FPR1: variants seen among roughly 807,000 people sequenced by gnomAD.
FPR1 encodes N-formyl peptide receptor 1.
For missense variants in FPR1, 407 were observed against 453.0 expected (o/e 0.90, Z 0.92); for synonymous variants, 193 against 176.7 (o/e 1.09, Z -0.73).
rs2083740766 is a variant in FPR1, at chr19:51,746,005, T to G, written c.990A>C (p.Gln330His). 6.2e-7 allele frequency: 1 copy of G among 1,614,108 alleles called. No individual in the cohort carries two copies. The highest frequency in any genetic ancestry group is 8.5e-7 in the Non-Finnish European group (1 of 1,179,996). Residue 330 changes from glutamine (Q) to histidine (H), a missense_variant, in exon 2 of 2, where the codon CAA becomes CAC. Transcript: ENST00000304748. The surrounding 1 kb of genome is among the most constrained non-coding windows in gnomAD (Gnocchi z 4.3). ...TAGAATTGGTAGCTGTGTCACTGGT[T>G]TGGGTTGAGTCCTCGGTCAGGGCCC... ...LERALTEDSTQTSDTATNSTL... is the reference protein window; with the variant it reads ...LERALTEDSTHTSDTATNSTL...
At chr19:51,748,268 C>A (rs1265189292) in intron 1 of FPR1, among the ~76,000 whole-genome samples, 1 of 152,174 alleles carries the variant, frequency 6.6e-6, no homozygotes, top group African/African-American at 2.4e-5. Context: ...TCCAGAGTAG[C>A]CAAACTCACA....
In FPR1 at chr19:51,745,889, A is replaced by C. The variant is rs2083739245; in HGVS notation, c.*53T>G. 1 of 1,472,454 alleles carries C rather than the reference A, an allele frequency of 6.8e-7. No homozygotes were observed. Among genetic ancestry groups the C allele is most frequent in the Non-Finnish European group, 9.4e-7 (1 of 1,062,724 alleles). 91.2% of individuals were successfully genotyped at this position (1,472,454 alleles called of 1,614,324 possible). The stretch of plus-strand genomic sequence containing the variant: ...AAATGCCTGTGGCTCAGCCTAACTC[A>C]AGGTGAGACGAAGCTGGAGCTGGGA... On this transcript the variant is annotated 3_prime_UTR_variant, in exon 2 of 2. Coordinates refer to ENST00000304748, the MANE Select transcript of FPR1 (RefSeq NM_002029.4).
chr19:51,748,785 T>C (rs1436905252), intron 1 of FPR1, among the ~76,000 whole-genome samples: 2 of 152,210 alleles, frequency 1.3e-5, no homozygotes, highest in Non-Finnish European at 2.9e-5. Context: ...TTTTGTATTT[T>C]ACCATCAATT....
rs769223294 is a variant in FPR1, at chr19:51,746,467, G to A, written c.528C>T (p.Cys176=). The change falls in exon 2 of 2, where the codon TGC becomes TGT. Residue 176 remains cysteine (C), a synonymous_variant. Coordinates refer to ENST00000304748, the MANE Select transcript of FPR1 (RefSeq NM_002029.4). The surrounding 1 kb of genome is among the most constrained non-coding windows in gnomAD (Gnocchi z 4.3). ...TVPGKTGTVA[C]TFNFSPWTND... ...TGGTCCAGGGCGAAAAGTTAAAAGTGCAGGCTACTGTCCCCGTTTTACCAG... is the reference window on the plus strand; with the variant it reads ...TGGTCCAGGGCGAAAAGTTAAAAGTACAGGCTACTGTCCCCGTTTTACCAG... 8.1e-6 allele frequency: 13 copies of A among 1,614,036 alleles called. No homozygotes were observed. The highest frequency in any genetic ancestry group is 1.6e-4 in the Middle Eastern group (1 of 6,084).
chr19:51,745,221 T>A (rs2083735192), downstream of FPR1: 1 of 152,052 alleles, frequency 6.6e-6, no homozygotes, highest in South Asian at 2.1e-4. Flanking sequence ...AGTGGCGTTT[T>A]CTTGGCTCAC....
intron 1 of FPR1, chr19:51,750,068 G>A (rs1016910936): frequency 6.6e-6 from 1 of 152,106 alleles, no homozygotes; most frequent in Non-Finnish European, 1.5e-5. Flanking sequence ...AGGAAAGTGC[G>A]ACTTAGAGCA....
At position 51,745,968 on chromosome 19, in the gene FPR1, C is replaced by G; in HGVS notation, c.1027G>C (p.Ala343Pro). 1 of 1,612,590 alleles carries G rather than the reference C, an allele frequency of 6.2e-7. No individual in the cohort carries two copies. Among genetic ancestry groups the G allele is most frequent in the Non-Finnish European group, 8.5e-7 (1 of 1,178,686 alleles). The part of the protein sequence containing the change: ...DTATNSTLPS[A>P]EVELQAK ...CACTTTGCCTGTAACTCCACCTCTGCAGAAGGTAAAGTAGAATTGGTAGCT... is the reference window on the plus strand; with the variant it reads ...CACTTTGCCTGTAACTCCACCTCTGGAGAAGGTAAAGTAGAATTGGTAGCT... Residue 343 changes from alanine to proline, a missense_variant, in exon 2 of 2, where the codon GCA becomes CCA. Ala to Pro is a conservative substitution (Grantham distance 27). Transcript: ENST00000304748.
intron 1 of FPR1, among the ~76,000 whole-genome samples, chr19:51,751,175 G>A (rs1043663329): frequency 6.6e-6 from 1 of 152,060 alleles, no homozygotes; most frequent in Non-Finnish European, 1.5e-5. Context: ...CTGCATCACT[G>A]TTCTCTGCCC....
Position 51,745,892 on chromosome 19 carries a change from G to T in FPR1, c.*50C>A. ...TGCCTGTGGCTCAGCCTAACTCAAG[G>T]TGAGACGAAGCTGGAGCTGGGAGCT... On this transcript the variant is annotated 3_prime_UTR_variant, in exon 2 of 2. Transcript: ENST00000304748. 1 of 1,495,304 alleles carries T rather than the reference G, an allele frequency of 6.7e-7. No homozygotes were observed. Among genetic ancestry groups the T allele is most frequent in the Non-Finnish European group, 9.2e-7 (1 of 1,082,606 alleles). The allele number at this position is 1,495,304 out of a possible 1,614,324, so 92.6% of individuals were successfully genotyped here. A position where few individuals can be genotyped will look rare whatever the true frequency, so the allele number is the denominator to read the frequency against.
In FPR1 at chr19:51,745,839, A is replaced by C; in HGVS notation, c.*103T>G. Reference sequence around the variant, plus strand: ...AAGGCTTTTTTTTTTTTTTCTGATGAGTGGGTAATCCTAAAATAAGCAGGA... The same window carrying C: ...AAGGCTTTTTTTTTTTTTTCTGATGCGTGGGTAATCCTAAAATAAGCAGGA... On this transcript the variant is annotated 3_prime_UTR_variant, in exon 2 of 2. Coordinates refer to ENST00000304748, the MANE Select transcript of FPR1 (RefSeq NM_002029.4). The C allele has an allele frequency of 2.6e-6, 2 of 778,872 alleles. No homozygotes were observed. Among genetic ancestry groups the C allele is most frequent in the Non-Finnish European group, 4.2e-6 (2 of 479,296 alleles). The allele number at this position is 778,872 out of a possible 1,614,324, so 48.2% of individuals were successfully genotyped here. A position where few individuals can be genotyped will look rare whatever the true frequency, so the allele number is the denominator to read the frequency against.
In FPR1 at chr19:51,746,349, T is replaced by C. The variant is rs372037824; in HGVS notation, c.646A>G (p.Ile216Val). The C allele has an allele frequency of 1.5e-5, 24 of 1,614,142 alleles. No homozygotes were observed. In the East Asian group the frequency reaches 3.6e-4, roughly 24 times the overall value. ...ATAAGCCCATAACTGACAGCAACGA[T>C]GGACATGGGTGCGCTGAAGCCAATG... ...FIIGFSAPMSIVAVSYGLIAT... is the reference protein window; with the variant it reads ...FIIGFSAPMSVVAVSYGLIAT... Residue 216 changes from isoleucine (I) to valine (V), a missense_variant, in exon 2 of 2, where the codon ATC becomes GTC. Ile to Val is a conservative substitution (Grantham distance 29). Transcript: ENST00000304748. The surrounding 1 kb of genome is among the most constrained non-coding windows in gnomAD (Gnocchi z 4.3).
At chr19:51,751,319 G>A (rs1419835945) in intron 1 of FPR1, among the ~76,000 whole-genome samples, 1 of 152,006 alleles carries the variant, frequency 6.6e-6, no homozygotes, top group East Asian at 1.9e-4. Context: ...GCCTCATAGT[G>A]TCTCTATATT....
Position 51,746,371 on chromosome 19 carries a change from A to G in FPR1, c.624T>C (p.Ile208=), listed in dbSNP as rs2083744874. The change falls in exon 2 of 2, where the codon ATT becomes ATC. Residue 208 remains isoleucine (I), a synonymous_variant. Transcript: ENST00000304748. This position sits in a 1 kb window ranked among gnomAD's most constrained non-coding sequence, Gnocchi z 4.3. Reference sequence around the variant, plus strand: ...CGATGGACATGGGTGCGCTGAAGCCAATGATGAACCGGATGATGCCTCTCA... The same window carrying G: ...CGATGGACATGGGTGCGCTGAAGCCGATGATGAACCGGATGATGCCTCTCA... ...LTVRGIIRFI[I]GFSAPMSIVA... is the part of the protein sequence containing the mutation. 4 of 1,614,112 alleles carry G rather than the reference A, an allele frequency of 2.5e-6. No individual in the cohort carries two copies. Among genetic ancestry groups the G allele is most frequent in the African/African-American group, 2.7e-5 (2 of 74,926 alleles).
intron 1 of FPR1, among the ~76,000 whole-genome samples, chr19:51,747,825 G>A (rs1254255038): frequency 6.6e-6 from 1 of 152,138 alleles, no homozygotes; most frequent in Non-Finnish European, 1.5e-5. Context: ...CAACGTGGCT[G>A]AACCTTGAAA....
At chr19:51,749,924 G>A (rs2083770584) in intron 1 of FPR1, among the ~76,000 whole-genome samples, 1 of 152,194 alleles carries the variant, frequency 6.6e-6, no homozygotes, top group Non-Finnish European at 1.5e-5. Context: ...ACCTGCCTCA[G>A]CCTCCCAAAG....
chr19:51,746,876 C>T lies in FPR1; in HGVS notation c.119G>A (p.Gly40Glu), dbSNP rs765639685. ...YLVFAVTFVL[G>E]VLGNGLVIWV... Reference sequence around the variant, plus strand: ...GATCACAAGCCCGTTGCCCAGGACCCCGAGGACAAAGGTGACTGCAAATAC... The same window carrying T: ...GATCACAAGCCCGTTGCCCAGGACCTCGAGGACAAAGGTGACTGCAAATAC... The change falls in exon 2 of 2, where the codon GGG (glycine) becomes GAG (glutamate). Residue 40 changes from glycine to glutamate, a missense_variant. Coordinates refer to ENST00000304748, the MANE Select transcript of FPR1 (RefSeq NM_002029.4). The surrounding 1 kb of genome is among the most constrained non-coding windows in gnomAD (Gnocchi z 4.3). 1.9e-6 allele frequency: 3 copies of T among 1,613,964 alleles called. No homozygotes were observed. Among genetic ancestry groups the T allele is most frequent in the Non-Finnish European group, 2.5e-6 (3 of 1,180,020 alleles).
At chr19:51,749,740 C>A (rs1299351417) in intron 1 of FPR1, among the ~76,000 whole-genome samples, 2 of 152,048 alleles carry the variant, frequency 1.3e-5, no homozygotes, top group East Asian at 3.9e-4. Context: ...GAGCTCACTG[C>A]AACCTCCGCC....
chr19:51,749,880 A>T (rs1225243822), intron 1 of FPR1, among the ~76,000 whole-genome samples: 5 of 152,104 alleles, frequency 3.3e-5, no homozygotes. Flanking sequence ...CATGTTGCCC[A>T]GGCTGGTCTC....
At chr19:51,751,754 C>A (rs1376605773) in intron 1 of FPR1, 60 bp downstream of exon 1, 1 of 152,226 alleles carries the variant, frequency 6.6e-6, no homozygotes, top group Non-Finnish European at 1.5e-5. Context: ...CTATTGTGTT[C>A]ACCAGTGTAT....
Sources: gnomAD v4.1 joint callset for allele counts (sites outside exome capture counted in the v4.1 genomes callset) on GRCh38, gnomAD v4.1.1 for gene constraint, Gnocchi (gnomAD v3.1) non-coding constraint, MANE v1.5 for transcripts, NCBI Gene and HGNC (gene_info 2026-07-23, HGNC 2026-07-21) for gene names.